SLC2A9: variants seen among roughly 807,000 people sequenced by gnomAD.
SLC2A9 encodes the protein solute carrier family 2, facilitated glucose transporter member 9.
SLC2A9 carries 39 observed loss-of-function variants against 50.6 expected under a neutral mutation model. The observed-to-expected ratio is 0.77, with a 90% confidence interval of 0.60 to 1.01. The LOEUF (loss-of-function observed/expected upper bound fraction) is 1.01. Ranked by LOEUF, SLC2A9 falls within the 50% of genes least tolerant of loss-of-function variation. SLC2A9 has a pLI of 0.00. For synonymous variants in SLC2A9, 324 were observed against 276.9 expected (o/e 1.17, Z -1.69); for missense variants, 686 against 677.6 (o/e 1.01, Z -0.14).
At chr4:9,779,212 C>G (rs1717983955), downstream of SLC2A9, among the ~76,000 whole-genome samples, 1 of 152,136 alleles carries the variant, frequency 6.6e-6, no homozygotes, top group Non-Finnish European at 1.5e-5. Context: ...TTCCCTCTGT[C>G]TTCCCCTTTG....
At chr4:9,872,279 G>T (rs1186098086) in intron 10 of SLC2A9, among the ~76,000 whole-genome samples, 1 of 152,174 alleles carries the variant, frequency 6.6e-6, no homozygotes, top group Non-Finnish European at 1.5e-5. Context: ...GTTGGGGCAG[G>T]GTGCAGTGGG....
chr4:9,957,969 T>C (rs1345386086), intron 5 of SLC2A9, among the ~76,000 whole-genome samples: 1 of 152,124 alleles, frequency 6.6e-6, no homozygotes, highest in Non-Finnish European at 1.5e-5. Context: ...TTCTCACCTA[T>C]GGAAGTAATC....
intron 6 of SLC2A9, among the ~76,000 whole-genome samples, chr4:9,921,190 G>T (rs1378945935): frequency 1.3e-5 from 2 of 152,112 alleles, no homozygotes; most frequent in African/African-American, 4.8e-5. Flanking sequence ...AAGAAAACTT[G>T]AGTGGAAATA....
chr4:9,782,733 A>G (rs1274555469), intron 3 of SLC2A9: 6 of 1,613,956 alleles, frequency 3.7e-6, no homozygotes, highest in Non-Finnish European at 5.1e-6. Context: ...ATCAGCTTCT[A>G]CATCCCCGTT....
chr4:9,878,143 C>CATATATATAT (rs925426692), intron 10 of SLC2A9, among the ~76,000 whole-genome samples: 2 of 151,680 alleles, frequency 1.3e-5, no homozygotes, highest in African/African-American at 4.9e-5. Flanking sequence ...AACACACACA[C>CATATATATAT]ACATATATAT....
rs58782826 is a variant in SLC2A9 at position 9,833,943 on chromosome 4, A to G, written c.1419+938T>C. 1.0e-3 allele frequency among the ~76,000 whole-genome samples: 153 copies of G among 152,320 alleles called. No individual in the cohort carries two copies. The East Asian group carries it at 0.029, about 28-fold the overall frequency. ...TGCTTCTGGGCCCCTTGCTCTGTGCAGAAGGCTTGCAAAGCCTTTTGTGTT... is the reference window on the plus strand; with the variant it reads ...TGCTTCTGGGCCCCTTGCTCTGTGCGGAAGGCTTGCAAAGCCTTTTGTGTT... On this transcript the variant is annotated intron_variant, in intron 11 of 11. Coordinates refer to ENST00000264784, the MANE Select transcript of SLC2A9 (RefSeq NM_020041.3).
At chr4:9,952,918 C>A (rs1490799622) in intron 5 of SLC2A9, among the ~76,000 whole-genome samples, 1 of 152,102 alleles carries the variant, frequency 6.6e-6, no homozygotes, top group East Asian at 1.9e-4. Context: ...CAGAAGCGGT[C>A]GGGTCATTTT....
At chr4:9,949,529 A>G (rs1211318946) in intron 5 of SLC2A9, among the ~76,000 whole-genome samples, 2 of 152,190 alleles carry the variant, frequency 1.3e-5, no homozygotes, top group African/African-American at 4.8e-5. Context: ...AGGTCAGGTA[A>G]CTCATGCCAA....
At chr4:9,959,749 G>A (rs1305509421) in intron 5 of SLC2A9, among the ~76,000 whole-genome samples, 1 of 152,216 alleles carries the variant, frequency 6.6e-6, no homozygotes, top group Non-Finnish European at 1.5e-5. Flanking sequence ...CCTTTGTGGA[G>A]TTTCAAGTGC....
intron 9 of SLC2A9, among the ~76,000 whole-genome samples, chr4:9,889,531 C>A (rs1244161212): frequency 6.6e-6 from 1 of 152,196 alleles, no homozygotes; most frequent in Admixed American, 6.5e-5. Context: ...GAAGGAACTG[C>A]ATCTGCCAGC....
At chr4:10,021,136 T>C (rs1404066559) in intron 1 of SLC2A9, 144 bp downstream of exon 1, 31 of 849,954 alleles carry the variant, frequency 3.6e-5, no homozygotes, top group Non-Finnish European at 6.0e-5. Flanking sequence ...GAAGTGCAAC[T>C]CAAACTGAGG....
intron 3 of SLC2A9, among the ~76,000 whole-genome samples, chr4:9,804,909 AG>A (rs1721921289): frequency 6.6e-6 from 1 of 152,140 alleles, no homozygotes; most frequent in Admixed American, 6.5e-5. Flanking sequence ...GAGGGCTAAC[AG>A]GGGTGGGGAC....
chr4:9,984,200 C>A (rs1260546331), intron 4 of SLC2A9, among the ~76,000 whole-genome samples: 1 of 152,206 alleles, frequency 6.6e-6, no homozygotes, highest in East Asian at 1.9e-4. Context: ...GATTATTCCC[C>A]TCCAGCAGGG....
At chr4:10,019,430 C>T (rs1763223398) in intron 1 of SLC2A9, 2 of 373,190 alleles carry the variant, frequency 5.4e-6, no homozygotes, top group East Asian at 5.5e-5. Context: ...CAAAGCCAGA[C>T]TCCAAGCGCT....
chr4:9,955,670 C>T (rs150352262), intron 5 of SLC2A9, among the ~76,000 whole-genome samples: 249 of 152,164 alleles, frequency 1.6e-3, no homozygotes, highest in African/African-American at 5.3e-3. Context: ...TCTCCCTCTG[C>T]CTTATGCCCC....
intron 9 of SLC2A9, among the ~76,000 whole-genome samples, chr4:9,889,054 T>G (rs1359806005): frequency 6.6e-6 from 1 of 152,198 alleles, no homozygotes; most frequent in African/African-American, 2.4e-5. Flanking sequence ...GAGAGAGACA[T>G]GTGCCAACAG....
Position 9,936,102 on chromosome 4 carries a change from G to C in SLC2A9, c.814+5811C>G, listed in dbSNP as rs539954090. Among the ~76,000 whole-genome samples the C allele has an allele frequency of 4.7e-3, 712 of 152,234 alleles. 8 individuals are homozygous for C. Among genetic ancestry groups the C allele is most frequent in the African/African-American group, 0.016 (679 of 41,522 alleles). ...CTTCTGCCAAAATACCATTGCTATG[G>C]GTGGAATGTTTGTGCCCCCCAGAAG... On this transcript the variant is annotated intron_variant, in intron 6 of 11. Transcript: ENST00000264784.
At chr4:9,903,158 C>T (rs1432395365) in intron 8 of SLC2A9, among the ~76,000 whole-genome samples, 1 of 152,100 alleles carries the variant, frequency 6.6e-6, no homozygotes, top group Non-Finnish European at 1.5e-5. Context: ...CGGGCTGGAT[C>T]CAGTGTCCTG....
chr4:9,974,350 C>T (rs570580922), intron 5 of SLC2A9, among the ~76,000 whole-genome samples: 1 of 151,970 alleles, frequency 6.6e-6, no homozygotes, highest in Non-Finnish European at 1.5e-5. Context: ...TATCTCTCTT[C>T]ACTGATGATC....
Sources: allele counts gnomAD v4.1 joint callset (sites outside exome capture counted in the v4.1 genomes callset), GRCh38; gene constraint gnomAD v4.1.1; transcripts MANE v1.5; gene names NCBI Gene and HGNC (gene_info 2026-07-23, HGNC 2026-07-21).